KHNYN: variants seen among roughly 807,000 people sequenced by gnomAD.
KHNYN encodes protein KHNYN.
Under a neutral mutation model 62.7 loss-of-function variants are expected in KHNYN, and 42 were observed. The ratio of observed to expected loss-of-function variants is 0.67; its 90% confidence interval spans 0.52 to 0.87. The LOEUF is 0.87. KHNYN is among the 40% of genes least tolerant of loss of function. The pLI, the probability that KHNYN is intolerant of heterozygous loss-of-function variation, is 0.00. For synonymous variants in KHNYN, 347 were observed against 345.6 expected, an observed-to-expected ratio of 1.00 and a Z score of -0.04; for missense variants, 829 against 874.1, an observed-to-expected ratio of 0.95 and a Z score of 0.65.
the KHNYN span, among the ~76,000 whole-genome samples, chr14:24,424,114 T>C: frequency 6.6e-6 from 1 of 152,246 alleles, no homozygotes; most frequent in African/African-American, 2.4e-5. Flanking sequence ...CATACCATTA[T>C]AAGGATTATA....
At chr14:24,428,317 A>G, upstream of KHNYN, 1 of 1,613,890 alleles carries the variant, frequency 6.2e-7, no homozygotes, top group Non-Finnish European at 8.5e-7. Context: ...CACCTTCACC[A>G]CATGGAACCG....
chr14:24,426,810 G>A (rs778474894), upstream of KHNYN: 10 of 152,422 alleles, frequency 6.6e-5, no homozygotes, highest in Non-Finnish European at 1.0e-4. Flanking sequence ...GGAAGCCTAA[G>A]GAGGAGAATA....
chr14:24,439,820 G>A lies in KHNYN; in HGVS notation c.*2535G>A, dbSNP rs374356443. ...AACTGCAGAGCATTCTCTACACAGC[G>A]TAAAGGAGAAGTGGGGCAGCTGCAG... On this transcript the variant is annotated 3_prime_UTR_variant, in exon 8 of 8. Transcript: ENST00000553935. 56 of 425,678 alleles carry A rather than the reference G, an allele frequency of 1.3e-4. No individual in the cohort carries two copies. The South Asian group carries it at 1.5e-3, about 11-fold the overall frequency. 26.4% of individuals were successfully genotyped at this position (425,678 alleles called of 1,614,324 possible).
rs1375215086 is a variant in KHNYN, at chr14:24,441,834, C to T, written c.*4549C>T. The T allele has an allele frequency of 6.0e-5, 95 of 1,582,300 alleles. No homozygotes were observed. Among genetic ancestry groups the T allele is most frequent in the Non-Finnish European group, 7.9e-5 (92 of 1,164,058 alleles). On this transcript the variant is annotated 3_prime_UTR_variant, in exon 8 of 8. Transcript: ENST00000553935. ...ATGGGAAATAAAAAGCCACTAAATA[C>T]ATAAGTGCACATATCCCTCTCTCTG...
upstream of KHNYN, chr14:24,427,443 G>A: frequency 3.5e-6 from 1 of 289,444 alleles, no homozygotes; most frequent in South Asian, 3.5e-5. This position sits in a 1 kb window ranked among gnomAD's most constrained non-coding sequence, Gnocchi z 4.4. Context: ...TCCCTGATCA[G>A]CATTGAGCAG....
chr14:24,424,617 G>C (rs556805721), upstream of KHNYN, among the ~76,000 whole-genome samples: 4 of 152,334 alleles, frequency 2.6e-5, no homozygotes, highest in African/African-American at 9.6e-5. Flanking sequence ...CCTAAACTCA[G>C]AGAACTTTCT....
In KHNYN at chr14:24,440,007, G is replaced by A. The variant is rs1174125411; in HGVS notation, c.*2722G>A. On this transcript the variant is annotated 3_prime_UTR_variant, in exon 8 of 8. Coordinates refer to ENST00000553935, the MANE Select transcript of KHNYN (RefSeq NM_015299.3). ...AGAACCAGATGGCTTCAGCTCTCTA[G>A]AGGAGCTGAGCCTATTCACAGTGCC... 1 of 1,242,592 alleles carries A rather than the reference G, an allele frequency of 8.0e-7. No homozygotes were observed. Among genetic ancestry groups the A allele is most frequent in the Non-Finnish European group, 1.1e-6 (1 of 899,798 alleles). 77.0% of individuals were successfully genotyped at this position (1,242,592 alleles called of 1,614,324 possible).
chr14:24,440,928 T>C lies in KHNYN; in HGVS notation c.*3643T>C, dbSNP rs748452792. 6 of 1,614,034 alleles carry C rather than the reference T, an allele frequency of 3.7e-6. No individual in the cohort carries two copies. In the South Asian group the frequency reaches 5.5e-5, roughly 15 times the overall value. The stretch of plus-strand genomic sequence containing the variant: ...CAGTCAGACTGGGCTGGTAGTAAGC[T>C]GCCGGTGGAACACAATCATTTGCCC... On this transcript the variant is annotated 3_prime_UTR_variant, in exon 8 of 8. Coordinates refer to ENST00000553935, the MANE Select transcript of KHNYN (RefSeq NM_015299.3).
In KHNYN at chr14:24,432,929, T is replaced by G; in HGVS notation, c.1481-7T>G. On this transcript the variant is annotated splice_polypyrimidine_tract_variant and splice_region_variant and intron_variant, in intron 4 of 7. Coordinates refer to ENST00000553935, the MANE Select transcript of KHNYN (RefSeq NM_015299.3). This position sits in a 1 kb window ranked among gnomAD's most constrained non-coding sequence, Gnocchi z 5.6. ...GAGGAGAACCCTATTATGTTCTTTT[T>G]CAATAGAGAGTCACTTCCTGCAAAA... 10 of 1,614,216 alleles carry G rather than the reference T, an allele frequency of 6.2e-6. No individual in the cohort carries two copies. Among genetic ancestry groups the G allele is most frequent in the Non-Finnish European group, 8.5e-6 (10 of 1,180,018 alleles).
In KHNYN at chr14:24,432,706, C is replaced by T. The variant is rs760770977; in HGVS notation, c.1350-16C>T. 17 of 1,613,966 alleles carry T rather than the reference C, an allele frequency of 1.1e-5. No homozygotes were observed. The highest frequency in any genetic ancestry group is 1.4e-5 in the Non-Finnish European group (17 of 1,179,968). On this transcript the variant is annotated splice_polypyrimidine_tract_variant and intron_variant, in intron 3 of 7. Transcript: ENST00000553935. The surrounding 1 kb of genome is among the most constrained non-coding windows in gnomAD (Gnocchi z 5.6). ...GGTGCCAAGCCCCTCCTCTGGCCGA[C>T]CCCCTCCCACTACAGGCATGGCCTC... is the stretch of plus-strand genomic sequence containing the variant.
chr14:24,433,753 C>T (rs928517995), intron 5 of KHNYN, among the ~76,000 whole-genome samples: 10 of 152,308 alleles, frequency 6.6e-5, no homozygotes, highest in African/African-American at 1.7e-4. Context: ...GGGTATATCT[C>T]CAATCTACAG....
chr14:24,423,477 G>A, the KHNYN span, among the ~76,000 whole-genome samples: 1 of 152,230 alleles, frequency 6.6e-6, no homozygotes, highest in East Asian at 1.9e-4. Flanking sequence ...GGGGAGGAAG[G>A]TGAGTTTGTA....
upstream of KHNYN, chr14:24,428,166 C>A (rs1437832800): frequency 7.0e-7 from 1 of 1,430,604 alleles, no homozygotes; most frequent in Admixed American, 1.9e-5. Context: ...CCCATTCCTC[C>A]CCTGGTCCTG....
At chr14:24,431,430 T>C (rs758452177) in intron 2 of KHNYN, 33 bp from the exon 3 acceptor site, 17 of 1,526,316 alleles carry the variant, frequency 1.1e-5, no homozygotes, top group Non-Finnish European at 1.5e-5. Context: ...CCAGTTAGTT[T>C]ACTTTTCCTG....
In KHNYN at chr14:24,440,622, A is replaced by G; in HGVS notation, c.*3337A>G. 2.9e-6 allele frequency: 4 copies of G among 1,362,244 alleles called. No homozygotes were observed. In the South Asian group the frequency reaches 5.2e-5, roughly 18 times the overall value. 84.4% of individuals were successfully genotyped at this position (1,362,244 alleles called of 1,614,324 possible). A position where few individuals can be genotyped will look rare whatever the true frequency, so the allele number is the denominator to read the frequency against. ...TGGCTCTGTAACAGAAGTGAGCAGT[A>G]TGGCTGTCTTTAAGACCTCACACCT... On this transcript the variant is annotated 3_prime_UTR_variant, in exon 8 of 8. Transcript: ENST00000553935.
At position 24,432,471 on chromosome 14, in the gene KHNYN, G is replaced by A. The variant is rs760289548; in HGVS notation, c.1210G>A (p.Ala404Thr). The A allele has an allele frequency of 1.1e-5, 18 of 1,613,554 alleles. No individual in the cohort carries two copies. The East Asian group carries it at 1.3e-4, about 12-fold the overall frequency. Reference protein sequence around the residue: ...RGRGPQWKRGARGGNLVTGTQ... With the variant: ...RGRGPQWKRGTRGGNLVTGTQ... ...TCGGGGGCCTCAATGGAAACGAGGC[G>A]CCCGAGGGGGCAACTTGGTGACTGG... The change falls in exon 3 of 8, where the codon GCC becomes ACC. Residue 404 changes from alanine to threonine, a missense_variant. Ala to Thr is a moderately conservative substitution (Grantham distance 58). This residue lies in a region of KHNYN where 559 missense variants were observed against 527.0 expected (regional missense o/e 1.06). Coordinates refer to ENST00000553935, the MANE Select transcript of KHNYN (RefSeq NM_015299.3). The surrounding 1 kb of genome is among the most constrained non-coding windows in gnomAD (Gnocchi z 5.6).
chr14:24,436,102 T>A lies in KHNYN; in HGVS notation c.1608T>A (p.Asp536Glu), dbSNP rs2043199905. ...RFMVKLAEET[D>E]GIIVSNDQFR... ...TGGTGAAGCTGGCTGAAGAGACAGA[T>A]GGGATAATTGTCTCCAATGACCAGT... Residue 536 changes from aspartate to glutamate, a missense_variant, in exon 6 of 8, where the codon GAT (aspartate) becomes GAA (glutamate). Physicochemically the swap from Asp to Glu is conservative, Grantham distance 45. This residue lies in a region of KHNYN where 270 missense variants were observed against 347.1 expected (regional missense o/e 0.78). Coordinates refer to ENST00000553935, the MANE Select transcript of KHNYN (RefSeq NM_015299.3). 1 of 1,614,158 alleles carries A rather than the reference T, an allele frequency of 6.2e-7. No individual in the cohort carries two copies. The highest frequency in any genetic ancestry group is 8.5e-7 in the Non-Finnish European group (1 of 1,180,032).
chr14:24,433,099 GA>G, intron 5 of KHNYN, 67 bp downstream of exon 5: 1 of 1,411,774 alleles, frequency 7.1e-7, no homozygotes, highest in South Asian at 1.2e-5. Flanking sequence ...GAGGGAGAGA[GA>G]AAAGCTCCTG....
chr14:24,430,985 G>A, intron 2 of KHNYN, 54 bp downstream of exon 2: 1 of 1,532,644 alleles, frequency 6.5e-7, no homozygotes, highest in South Asian at 1.2e-5. Flanking sequence ...TTTCCCCCAG[G>A]GCGGAGGAGA....
Sources: gnomAD v4.1 joint callset for allele counts (sites outside exome capture counted in the v4.1 genomes callset) on GRCh38, gnomAD v4.1.1 for gene constraint, gnomAD v4.1.1 regional missense constraint, Gnocchi (gnomAD v3.1) non-coding constraint, MANE v1.5 for transcripts, NCBI Gene and HGNC (gene_info 2026-07-23, HGNC 2026-07-21) for gene names.